The following CTNNA3 variants were observed in gnomAD, a reference collection of about 807,000 sequenced individuals.
The protein encoded by CTNNA3 is catenin alpha 3.
In CTNNA3, 76 loss-of-function variants were observed where a neutral mutation model predicts 95.7. The observed-to-expected ratio is 0.79, with a 90% CI of 0.66 to 0.96. CTNNA3 has a LOEUF of 0.96. CTNNA3 is among the 40% of genes least tolerant of loss of function. The pLI is 0.00. For missense variants in CTNNA3, 1,191 were observed against 1,089.8 expected, an observed-to-expected ratio of 1.09 and a Z score of -1.31; for synonymous variants, 431 against 374.4, an observed-to-expected ratio of 1.15 and a Z score of -1.74.
rs192276122 is a variant in CTNNA3 at position 67,466,651 on chromosome 10, G to A, written c.579+55191C>T. ...CCAAAGCGGGACAAAATGAGCTTCCGGGGAAATGAGGGTAGAGAAATATCA... is the reference window on the plus strand; with the variant it reads ...CCAAAGCGGGACAAAATGAGCTTCCAGGGAAATGAGGGTAGAGAAATATCA... On this transcript the variant is annotated intron_variant, in intron 5 of 17. Coordinates refer to ENST00000433211, the MANE Select transcript of CTNNA3 (RefSeq NM_013266.4). Among the ~76,000 whole-genome samples the A allele has an allele frequency of 2.2e-3, 332 of 152,280 alleles. 2 individuals carry two copies. Among genetic ancestry groups the A allele is most frequent in the African/African-American group, 7.5e-3 (313 of 41,562 alleles).
intron 11 of CTNNA3, among the ~76,000 whole-genome samples, chr10:66,481,546 A>T (rs1320492289): frequency 7.8e-6 from 1 of 127,888 alleles, no homozygotes; most frequent in Non-Finnish European, 1.5e-5. Flanking sequence ...ATCTCGGCTC[A>T]CTGCAAGCTC....
chr10:67,104,136 A>T (rs1005369194), intron 7 of CTNNA3, among the ~76,000 whole-genome samples: 1 of 151,956 alleles, frequency 6.6e-6, no homozygotes, highest in Non-Finnish European at 1.5e-5. Context: ...TGAAAAAAAG[A>T]GGTCAGGTTG....
chr10:66,333,723 G>A (rs1475490138), intron 12 of CTNNA3, among the ~76,000 whole-genome samples: 1 of 151,416 alleles, frequency 6.6e-6, no homozygotes, highest in Non-Finnish European at 1.5e-5. Context: ...GAGGTGGAGA[G>A]TTCTGTAGAT....
chr10:66,353,906 T>A (rs1262499825), intron 12 of CTNNA3, among the ~76,000 whole-genome samples: 1 of 150,034 alleles, frequency 6.7e-6, no homozygotes, highest in Non-Finnish European at 1.5e-5. Context: ...AAAAAAAAAA[T>A]TAAAAACACA....
intron 13 of CTNNA3, among the ~76,000 whole-genome samples, chr10:66,171,675 C>T (rs2085439574): frequency 6.6e-6 from 1 of 152,112 alleles, no homozygotes; most frequent in Non-Finnish European, 1.5e-5. Context: ...TGGTTAGGCT[C>T]ATCCAGGTTT....
intron 15 of CTNNA3, among the ~76,000 whole-genome samples, chr10:65,998,991 G>GA (rs2078718768): frequency 6.6e-6 from 1 of 152,036 alleles, no homozygotes; most frequent in Non-Finnish European, 1.5e-5. Flanking sequence ...CTGTAAAAAT[G>GA]AAACAGCATG....
intron 5 of CTNNA3, among the ~76,000 whole-genome samples, chr10:67,515,812 G>T (rs1278126584): frequency 6.6e-6 from 1 of 152,070 alleles, no homozygotes; most frequent in Non-Finnish European, 1.5e-5. Context: ...TCTTACAAAG[G>T]TCACTGAAGT....
At chr10:67,712,864 A>G (rs903704236) in intron 1 of CTNNA3, among the ~76,000 whole-genome samples, 3 of 152,230 alleles carry the variant, frequency 2.0e-5, no homozygotes, top group African/African-American at 7.2e-5. Flanking sequence ...CATTCAGGAC[A>G]TAGGCATGAG....
At chr10:67,089,717 A>ATGTGTGTGTGTGTGTG (rs71006125) in intron 7 of CTNNA3, among the ~76,000 whole-genome samples, 12 of 144,742 alleles carry the variant, frequency 8.3e-5, no homozygotes, top group East Asian at 4.1e-4. Flanking sequence ...GTATATACAT[A>ATGTGTGTGTGTGTGTG]TGTGTGTGTG....
Position 65,916,232 on chromosome 10 carries a change from T to G in CTNNA3, c.*4098A>C, listed in dbSNP as rs2077006614. ...ATTAAAATAATATAAAATTATATTC[T>G]TTTTAACTGAAATATTTCTGGCTTT... is the stretch of plus-strand genomic sequence containing the variant. On this transcript the variant is annotated 3_prime_UTR_variant, in exon 18 of 18. Transcript: ENST00000433211. 6.6e-6 allele frequency: 1 copy of G among 152,034 alleles called. No homozygotes were observed. The highest frequency in any genetic ancestry group is 1.5e-5 in the Non-Finnish European group (1 of 67,994). 9.4% of individuals were successfully genotyped at this position (152,034 alleles called of 1,614,324 possible).
chr10:66,156,699 G>T (rs2084526009), intron 13 of CTNNA3, among the ~76,000 whole-genome samples: 1 of 151,920 alleles, frequency 6.6e-6, no homozygotes, highest in African/African-American at 2.4e-5. Context: ...AGTGGTCTTG[G>T]CATGGTCAAA....
intron 11 of CTNNA3, among the ~76,000 whole-genome samples, chr10:66,384,175 C>T (rs1008590159): frequency 3.9e-5 from 6 of 152,026 alleles, no homozygotes; most frequent in African/African-American, 1.4e-4. Context: ...AGTCAAAACC[C>T]GTAAGTGTGC....
chr10:67,356,476 T>C (rs1473863898), intron 5 of CTNNA3, among the ~76,000 whole-genome samples: 1 of 152,080 alleles, frequency 6.6e-6, no homozygotes, highest in Non-Finnish European at 1.5e-5. Flanking sequence ...ATCTGTCATT[T>C]CCACATAACT....
chr10:66,238,928 A>C (rs1299530931), intron 13 of CTNNA3, among the ~76,000 whole-genome samples: 2 of 151,848 alleles, frequency 1.3e-5, no homozygotes, highest in African/African-American at 4.8e-5. Flanking sequence ...GGTAAGATGA[A>C]TATGGTTTGT....
At chr10:66,457,378 A>C (rs2093501500) in intron 11 of CTNNA3, among the ~76,000 whole-genome samples, 1 of 152,066 alleles carries the variant, frequency 6.6e-6, no homozygotes, top group Non-Finnish European at 1.5e-5. Flanking sequence ...CAAACAACTC[A>C]ATTTAAAAAT....
At chr10:66,149,708 G>A (rs546685922) in intron 13 of CTNNA3, among the ~76,000 whole-genome samples, 1 of 151,884 alleles carries the variant, frequency 6.6e-6, no homozygotes, top group African/African-American at 2.4e-5. Context: ...AGTAAAATTA[G>A]TTTGTAGTTT....
chr10:66,541,724 G>A (rs541878235), intron 10 of CTNNA3, among the ~76,000 whole-genome samples: 1 of 152,126 alleles, frequency 6.6e-6, no homozygotes, highest in East Asian at 1.9e-4. Context: ...TGTGAAACAT[G>A]CACTTACCCC....
At chr10:67,364,959 AC>A (rs1306377014) in intron 5 of CTNNA3, among the ~76,000 whole-genome samples, 1 of 152,166 alleles carries the variant, frequency 6.6e-6, no homozygotes, top group Non-Finnish European at 1.5e-5. Context: ...GCATCACACT[AC>A]CTGACATCAA....
At chr10:67,435,443 T>A (rs1403229449) in intron 5 of CTNNA3, among the ~76,000 whole-genome samples, 1 of 152,028 alleles carries the variant, frequency 6.6e-6, no homozygotes, top group Non-Finnish European at 1.5e-5. Flanking sequence ...TCACTGCTCC[T>A]CTTCAACATA....
Sources: gnomAD v4.1 joint callset for allele counts (sites outside exome capture counted in the v4.1 genomes callset) on GRCh38, gnomAD v4.1.1 for gene constraint, MANE v1.5 for transcripts, NCBI Gene and HGNC (gene_info 2026-07-23, HGNC 2026-07-21) for gene names.